Variants in MIF4GD observed in about 807,000 individuals in gnomAD.
MIF4GD encodes MIF4G domain containing, also known as MIF4G domain-containing protein.
MIF4GD carries 22 observed loss-of-function variants against 26.7 expected under a neutral mutation model. The ratio of observed to expected loss-of-function variants is 0.82; its 90% CI spans 0.59 to 1.18. The LOEUF is 1.18. Among genes scored for constraint, MIF4GD ranks in the 50% most tolerant of loss-of-function variants. The probability of loss-of-function intolerance (pLI) is 0.00; values close to 1 mark genes in which losing one functional copy is unlikely to be tolerated. For missense variants in MIF4GD, 262 were observed against 279.6 expected (o/e 0.94, Z 0.45); for synonymous variants, 137 against 111.6 (o/e 1.23, Z -1.43).
Position 75,270,364 on chromosome 17 carries a change from G to T in MIF4GD, c.-50-119C>A. On this transcript the variant is annotated intron_variant, in intron 1 of 5. Coordinates refer to ENST00000325102, the MANE Select transcript of MIF4GD (RefSeq NM_001370592.1). This position sits in a 1 kb window ranked among gnomAD's most constrained non-coding sequence, Gnocchi z 5.7. ...GACAGGGACTCCTGGGCGGTCCGTG[G>T]CGTGCGGTGGTTGGCTGAAGGCCCA... 1 of 615,034 alleles carries T rather than the reference G, an allele frequency of 1.6e-6. No homozygotes were observed. The allele number at this position is 615,034 out of a possible 1,614,324, so 38.1% of individuals were successfully genotyped here. A position where few individuals can be genotyped will look rare whatever the true frequency, so the allele number is the denominator to read the frequency against.
intron 2 of MIF4GD, chr17:75,269,527 GTTC>G: frequency 9.5e-7 from 1 of 1,047,832 alleles, no homozygotes; most frequent in South Asian, 1.6e-5. Flanking sequence ...CAGGAGCCGT[GTTC>G]TTTTTTTTAT....
Position 75,267,726 on chromosome 17 carries a change from G to C in MIF4GD, c.348+20C>G. The C allele has an allele frequency of 6.2e-7, 1 of 1,612,154 alleles. No individual in the cohort carries two copies. Among genetic ancestry groups the C allele is most frequent in the Non-Finnish European group, 8.5e-7 (1 of 1,178,666 alleles). On this transcript the variant is annotated intron_variant, in intron 4 of 5. Transcript: ENST00000325102. ...GAAACAGGCCATGTCTGCCTCCCAG[G>C]GTGGCTGCCGGGGCCTCACCCTCAG...
In MIF4GD at chr17:75,270,444, T is replaced by A; in HGVS notation, c.-50-199A>T. On this transcript the variant is annotated intron_variant, in intron 1 of 5. Coordinates refer to ENST00000325102, the MANE Select transcript of MIF4GD (RefSeq NM_001370592.1). This position sits in a 1 kb window ranked among gnomAD's most constrained non-coding sequence, Gnocchi z 5.7. ...ATCAGCCAGGCACCTGCTGCTCAGT[T>A]TAGAAATCCCTCGCTTGTGGGATTA... The A allele has an allele frequency of 2.0e-6, 1 of 499,312 alleles. No homozygotes were observed. The highest frequency in any genetic ancestry group is 3.6e-6 in the Non-Finnish European group (1 of 274,360). 30.9% of individuals were successfully genotyped at this position (499,312 alleles called of 1,614,324 possible).
At chr17:75,267,934 G>A in intron 3 of MIF4GD, 33 bp from the exon 4 acceptor site, 1 of 1,603,792 alleles carries the variant, frequency 6.2e-7, no homozygotes, top group Non-Finnish European at 8.5e-7. Context: ...TGAAGGGTGG[G>A]GGGCGGTGCC....
Position 75,270,307 on chromosome 17 carries a change from CAG to C in MIF4GD, c.-50-64_-50-63del. ...GGAGCGCAGGGCGGGTTCCGTCCTG[CAG>C]GCCCTGGACGGGGCTGACGGCGCGC... is the stretch of plus-strand genomic sequence containing the variant. On this transcript the variant is annotated intron_variant, in intron 1 of 5. Coordinates refer to ENST00000325102, the MANE Select transcript of MIF4GD (RefSeq NM_001370592.1). This position sits in a 1 kb window ranked among gnomAD's most constrained non-coding sequence, Gnocchi z 5.7. 1.0e-6 allele frequency: 1 copy of C among 963,248 alleles called. No individual in the cohort carries two copies. Among genetic ancestry groups the C allele is most frequent in the Non-Finnish European group, 1.6e-6 (1 of 607,482 alleles). The allele number at this position is 963,248 out of a possible 1,614,324, so 59.7% of individuals were successfully genotyped here. A position where few individuals can be genotyped will look rare whatever the true frequency, so the allele number is the denominator to read the frequency against.
At chr17:75,269,326 AATT>A in intron 2 of MIF4GD, 3 of 1,612,454 alleles carry the variant, frequency 1.9e-6, no homozygotes, top group Non-Finnish European at 2.5e-6. Flanking sequence ...GGGTGTTGCT[AATT>A]ATTAGTTGAA....
intron 2 of MIF4GD, among the ~76,000 whole-genome samples, chr17:75,269,017 G>T (rs1250785518): frequency 1.3e-5 from 2 of 152,022 alleles, no homozygotes; most frequent in Non-Finnish European, 2.9e-5. Context: ...AAAAAAAAGG[G>T]AAAAGAAACC....
At position 75,267,521 on chromosome 17, in the gene MIF4GD, G is replaced by A. The variant is rs2077538617; in HGVS notation, c.441+17C>T. 1.2e-6 allele frequency: 2 copies of A among 1,613,514 alleles called. No homozygotes were observed. The highest frequency in any genetic ancestry group is 4.5e-5 in the East Asian group (2 of 44,880). ...CCTGCAGCCTTCTGTGCTTGTGCCA[G>A]GGCTGGGGCCACCCACCTCCTCCTC... is the stretch of plus-strand genomic sequence containing the variant. On this transcript the variant is annotated intron_variant, in intron 5 of 5. Coordinates refer to ENST00000325102, the MANE Select transcript of MIF4GD (RefSeq NM_001370592.1).
Position 75,270,394 on chromosome 17 carries a change from G to T in MIF4GD, c.-50-149C>A, listed in dbSNP as rs1598165776. On this transcript the variant is annotated intron_variant, in intron 1 of 5. Coordinates refer to ENST00000325102, the MANE Select transcript of MIF4GD (RefSeq NM_001370592.1). The surrounding 1 kb of genome is among the most constrained non-coding windows in gnomAD (Gnocchi z 5.7). ...CGGTGGTTGGCTGAAGGCCCACCAG[G>T]CTTGGCTTCTGGTGGGGACTGGGCA... is the stretch of plus-strand genomic sequence containing the variant. 1 of 579,782 alleles carries T rather than the reference G, an allele frequency of 1.7e-6. No individual in the cohort carries two copies. The highest frequency in any genetic ancestry group is 3.1e-6 in the Non-Finnish European group (1 of 322,786). The allele number at this position is 579,782 out of a possible 1,614,324, so 35.9% of individuals were successfully genotyped here. A position where few individuals can be genotyped will look rare whatever the true frequency, so the allele number is the denominator to read the frequency against.
At chr17:75,269,071 C>T (rs2077613694) in intron 2 of MIF4GD, among the ~76,000 whole-genome samples, 2 of 151,894 alleles carry the variant, frequency 1.3e-5, no homozygotes, top group Non-Finnish European at 2.9e-5. Context: ...GCTGTCTTGT[C>T]TTCTGGTTGC....
chr17:75,269,333 A>T, intron 2 of MIF4GD: 1 of 1,612,764 alleles, frequency 6.2e-7, no homozygotes, highest in Non-Finnish European at 8.5e-7. Context: ...GCTAATTATT[A>T]GTTGAAGACA....
intron 2 of MIF4GD, chr17:75,269,424 C>G: frequency 6.2e-7 from 1 of 1,614,112 alleles, no homozygotes; most frequent in Non-Finnish European, 8.5e-7. Flanking sequence ...GGAATATTCT[C>G]CATCTTCTGT....
At chr17:75,269,466 G>C in intron 2 of MIF4GD, 3 of 1,613,472 alleles carry the variant, frequency 1.9e-6, no homozygotes, top group Non-Finnish European at 2.5e-6. Context: ...TTCAAGAGAC[G>C]GGGCTATGGC....
Position 75,266,454 on chromosome 17 carries a change from A to G in MIF4GD, c.*286T>C, listed in dbSNP as rs2077487241. 1 of 498,464 alleles carries G rather than the reference A, an allele frequency of 2.0e-6. No homozygotes were observed. Among genetic ancestry groups the G allele is most frequent in the African/African-American group, 1.9e-5 (1 of 51,996 alleles). The allele number at this position is 498,464 out of a possible 1,614,324, so 30.9% of individuals were successfully genotyped here. A position where few individuals can be genotyped will look rare whatever the true frequency, so the allele number is the denominator to read the frequency against. On this transcript the variant is annotated 3_prime_UTR_variant, in exon 6 of 6. Transcript: ENST00000325102. ...TGCTTACCCATTTTACAGATGGGTA[A>G]ACTGAGGCACCAAGGTAGTAGTTGC...
Position 75,268,074 on chromosome 17 carries a change from AC to A in MIF4GD, c.192+8del, listed in dbSNP as rs1202780313. On this transcript the variant is annotated splice_region_variant and intron_variant, in intron 3 of 5. Transcript: ENST00000325102. ...CAAAGCAGCTTCCTTTCCTCTCCCA[AC>A]CCCCAACCTGAATGATGGCGTAGCA... The A allele has an allele frequency of 3.1e-6, 5 of 1,613,360 alleles. No individual in the cohort carries two copies. Among genetic ancestry groups the A allele is most frequent in the South Asian group, 2.2e-5 (2 of 91,036 alleles).
chr17:75,268,468 A>C (rs1267425234), intron 2 of MIF4GD, among the ~76,000 whole-genome samples: 1 of 152,040 alleles, frequency 6.6e-6, no homozygotes, highest in East Asian at 1.9e-4. Context: ...GTTTGAGACC[A>C]GCCTGGCTAA....
intron 4 of MIF4GD, 50 bp from the exon 5 acceptor site, chr17:75,267,680 G>A: frequency 6.2e-7 from 1 of 1,613,364 alleles, no homozygotes; most frequent in East Asian, 2.2e-5. Context: ...GCCAAGGGGA[G>A]CAGTCCAACC....
rs1269540920 is a variant in MIF4GD, at chr17:75,267,837, T to A, written c.257A>T (p.Glu86Val). Reference protein sequence around the residue: ...RRGLLNRLQQEYQAREQLRAR... With the variant: ...RRGLLNRLQQVYQAREQLRAR... ...TCGCAGCTGCTCCCGAGCCTGGTACTCCTGCTGCAGCCGGTTGAGGAGTCC... is the reference window on the plus strand; with the variant it reads ...TCGCAGCTGCTCCCGAGCCTGGTACACCTGCTGCAGCCGGTTGAGGAGTCC... Residue 86 changes from glutamate to valine, a missense_variant, in exon 4 of 6, where the codon GAG (glutamate) becomes GTG (valine). By Grantham distance (121) the Glu-to-Val change is moderately radical. Coordinates refer to ENST00000325102, the MANE Select transcript of MIF4GD (RefSeq NM_001370592.1). 8 of 1,613,928 alleles carry A rather than the reference T, an allele frequency of 5.0e-6. No individual in the cohort carries two copies. The highest frequency in any genetic ancestry group is 6.8e-6 in the Non-Finnish European group (8 of 1,180,030).
chr17:75,268,258 T>C, intron 2 of MIF4GD, 66 bp from the exon 3 acceptor site: 1 of 1,259,136 alleles, frequency 7.9e-7, no homozygotes, highest in South Asian at 1.2e-5. Flanking sequence ...CACCCGCTTC[T>C]AAGAATTTGA....
Sources: allele counts gnomAD v4.1 joint callset (sites outside exome capture counted in the v4.1 genomes callset), GRCh38; gene constraint gnomAD v4.1.1; non-coding constraint Gnocchi (gnomAD v3.1); transcripts MANE v1.5; gene names NCBI Gene and HGNC (gene_info 2026-07-23, HGNC 2026-07-21).